The following WDR44 variants were observed in gnomAD, a reference collection of about 807,000 sequenced individuals.
WDR44 encodes WD repeat-containing protein 44.
A neutral mutation model predicts 65.7 loss-of-function variants in WDR44; 9 were observed. The observed-to-expected ratio is 0.14, with a 90% CI of 0.08 to 0.24. WDR44 has a LOEUF of 0.24. Among genes scored for constraint, WDR44 ranks in the 10% least tolerant of loss-of-function variants. WDR44 has a pLI of 1.00. For missense variants in WDR44, 425 were observed against 670.9 expected, an observed-to-expected ratio of 0.63 and a Z score of 4.05; for synonymous variants, 220 against 235.2, an observed-to-expected ratio of 0.94 and a Z score of 0.59.
At chrX:118,418,407 T>C (rs62608403) in intron 12 of WDR44, among the ~76,000 whole-genome samples, 14,702 of 110,850 alleles carry the variant, frequency 0.13, 1,106 homozygotes, top group African/African-American at 0.28. Context: ...CTTTTTCCTA[T>C]GGATGTGGCT....
intron 11 of WDR44, among the ~76,000 whole-genome samples, chrX:118,410,412 T>A (rs2057003331): frequency 8.9e-6 from 1 of 111,818 alleles, no homozygotes. Flanking sequence ...TTGCATTATG[T>A]TTCAGTACTT....
At chrX:118,388,041 T>C (rs1297605623) in intron 3 of WDR44, among the ~76,000 whole-genome samples, 1 of 111,409 alleles carries the variant, frequency 9.0e-6, no homozygotes, top group Non-Finnish European at 1.9e-5. Flanking sequence ...CCCCAGAGTT[T>C]CTCCAGTACT....
intron 13 of WDR44, 198 bp from the exon 14 acceptor site, chrX:118,436,504 A>G (rs370045537): frequency 3.3e-4 from 171 of 521,485 alleles, no homozygotes; most frequent in South Asian, 8.0e-4. Flanking sequence ...AAGTTTTAGA[A>G]TCAGTGAAAT....
At position 118,346,499 on chromosome X, in the gene WDR44, T is replaced by C. The variant is rs770226059; in HGVS notation, c.-5T>C. 8.3e-7 allele frequency: 1 copy of C among 1,205,886 alleles called. No homozygotes were observed. Among genetic ancestry groups the C allele is most frequent in the East Asian group, 3.0e-5 (1 of 33,254 alleles). Reference sequence around the variant, plus strand: ...GGCCCCCTCACCCGCGGGTGTGTCCTATAAATGGCGTCGGAAAGCGACACC... The same window carrying C: ...GGCCCCCTCACCCGCGGGTGTGTCCCATAAATGGCGTCGGAAAGCGACACC... On this transcript the variant is annotated 5_prime_UTR_variant, in exon 1 of 20. Coordinates refer to ENST00000254029, the MANE Select transcript of WDR44 (RefSeq NM_019045.5).
intron 1 of WDR44, among the ~76,000 whole-genome samples, chrX:118,352,352 A>ATATTTT (rs1357425730): frequency 7.0e-5 from 1 of 14,224 alleles, no homozygotes; most frequent in African/African-American, 3.7e-4. Flanking sequence ...ATATATATAT[A>ATATTTT]TTTTTTTTTT....
At position 118,352,349 on chromosome X, in the gene WDR44, TA is replaced by T. The variant is rs1372309341; in HGVS notation, c.77+5770del. ...ATATATATATATATATATATATATA[TA>T]TATTTTTTTTTTTTTTTTTTTTTGT... On this transcript the variant is annotated intron_variant, in intron 1 of 19. Transcript: ENST00000254029. 4.2e-3 allele frequency among the ~76,000 whole-genome samples: 118 copies of T among 28,021 alleles called. 1 individual carries two copies. The highest frequency in any genetic ancestry group is 4.9e-3 in the Non-Finnish European group (102 of 20,641). 24.3% of individuals were successfully genotyped at this position (28,021 alleles called of 115,157 possible). A position where few individuals can be genotyped will look rare whatever the true frequency, so the allele number is the denominator to read the frequency against.
intron 9 of WDR44, among the ~76,000 whole-genome samples, chrX:118,405,008 G>A (rs1177069460): frequency 2.7e-5 from 3 of 111,074 alleles, no homozygotes; most frequent in Admixed American, 1.9e-4. Flanking sequence ...CCATAAATTA[G>A]TTTTTTAAGG....
chrX:118,406,727 G>T (rs1192890727), intron 9 of WDR44, 148 bp from the exon 10 acceptor site: 2 of 504,367 alleles, frequency 4.0e-6, no homozygotes, highest in Admixed American at 9.1e-5. Context: ...TCTGGCATTA[G>T]ACTCCATGTT....
chrX:118,415,223 GA>G (rs201750536), intron 12 of WDR44, among the ~76,000 whole-genome samples: 17,585 of 111,288 alleles, frequency 0.16, 2,487 homozygotes, highest in African/African-American at 0.44. Context: ...TCCCTGCTAT[GA>G]AACCCACTTG....
At chrX:118,366,198 A>T (rs2056551537) in intron 1 of WDR44, among the ~76,000 whole-genome samples, 1 of 112,156 alleles carries the variant, frequency 8.9e-6, no homozygotes, top group Non-Finnish European at 1.9e-5. Context: ...CTTTTACATT[A>T]TAATAACGTA....
At chrX:118,383,878 C>CTTTTTTTT (rs549809406) in intron 2 of WDR44, among the ~76,000 whole-genome samples, 2 of 69,837 alleles carry the variant, frequency 2.9e-5, no homozygotes, top group East Asian at 5.1e-4. Flanking sequence ...TTTTTAATTT[C>CTTTTTTTT]TTTTTTTTTT....
intron 7 of WDR44, 117 bp downstream of exon 7, chrX:118,397,223 TTAAAA>T: frequency 1.6e-6 from 1 of 623,777 alleles, no homozygotes; most frequent in Non-Finnish European, 2.3e-6. Flanking sequence ...TCTTCTGGAA[TTAAAA>T]TAGAGTTAGA....
chrX:118,422,856 G>A (rs1326448545), intron 12 of WDR44, among the ~76,000 whole-genome samples: 2 of 111,606 alleles, frequency 1.8e-5, no homozygotes, highest in Non-Finnish European at 3.8e-5. Flanking sequence ...TACAAATGAA[G>A]GTTTAGAGCT....
At chrX:118,438,797 G>GTTTTTTTGTTTTTTTTTTTTT (rs1431508948) in intron 14 of WDR44, among the ~76,000 whole-genome samples, 9 of 64,044 alleles carry the variant, frequency 1.4e-4, no homozygotes, top group African/African-American at 4.5e-4. Flanking sequence ...GTTCAGCCAT[G>GTTTTTTTGTTTTTTTTTTTTT]TTTTTTTTTT....
chrX:118,448,564 C>T (rs897984447), intron 19 of WDR44, among the ~76,000 whole-genome samples: 8 of 111,879 alleles, frequency 7.2e-5, no homozygotes, highest in African/African-American at 2.6e-4. Context: ...GAATGACACA[C>T]TAGCTTCTTG....
At chrX:118,391,426 A>G (rs2056819332) in intron 3 of WDR44, among the ~76,000 whole-genome samples, 1 of 112,083 alleles carries the variant, frequency 8.9e-6, no homozygotes, top group South Asian at 3.7e-4. Flanking sequence ...CTAAGAAATC[A>G]GGGATGAATA....
rs138405681 is a variant in WDR44 at position 118,394,092 on chromosome X, C to T, written c.864C>T (p.Thr288=). The part of the protein sequence containing the change: ...KENITSDSLL[T]ASMASESTVK... ...ATATTACGTCTGATTCTCTCCTAACCGCAAGCATGGCTTCAGAAAGTACGG... is the reference window on the plus strand; with the variant it reads ...ATATTACGTCTGATTCTCTCCTAACTGCAAGCATGGCTTCAGAAAGTACGG... Residue 288 remains threonine, a synonymous_variant, in exon 5 of 20, where the codon ACC becomes ACT. Coordinates refer to ENST00000254029, the MANE Select transcript of WDR44 (RefSeq NM_019045.5). The T allele has an allele frequency of 3.3e-4, 400 of 1,209,352 alleles. No individual in the cohort carries two copies. The African/African-American group carries it at 6.2e-3, about 19-fold the overall frequency.
intron 3 of WDR44, among the ~76,000 whole-genome samples, chrX:118,392,354 G>C (rs2056827433): frequency 1.8e-5 from 2 of 111,925 alleles, no homozygotes; most frequent in Admixed American, 1.9e-4. Context: ...GCTATTATGA[G>C]GGTTAAGAGT....
chrX:118,411,581 G>A (rs142627593), intron 12 of WDR44, among the ~76,000 whole-genome samples: 159 of 111,549 alleles, frequency 1.4e-3, no homozygotes, highest in African/African-American at 4.9e-3. Context: ...TTGACACTAC[G>A]TTTTCTCCTT....
Sources: gnomAD v4.1 joint callset for allele counts (sites outside exome capture counted in the v4.1 genomes callset) on GRCh38, gnomAD v4.1.1 for gene constraint, MANE v1.5 for transcripts, NCBI Gene and HGNC (gene_info 2026-07-23, HGNC 2026-07-21) for gene names.